The following NRXN3 variants were observed in gnomAD, a reference collection of about 807,000 sequenced individuals.
NRXN3 encodes the protein neurexin 3.
A neutral mutation model predicts 137.6 loss-of-function variants in NRXN3; 32 were observed. That is an observed-to-expected ratio of 0.23 (90% CI 0.18 to 0.31). The LOEUF (loss-of-function observed/expected upper bound fraction) is 0.31. Ranked by LOEUF, NRXN3 falls within the 10% of genes least tolerant of loss-of-function variation. The pLI is 1.00. For synonymous variants in NRXN3, 798 were observed against 784.5 expected (o/e 1.02, Z -0.29); for missense variants, 1,574 against 2,062.5 (o/e 0.76, Z 4.59).
At chr14:78,625,780 T>C (rs2097452105) in intron 4 of NRXN3, among the ~76,000 whole-genome samples, 1 of 152,182 alleles carries the variant, frequency 6.6e-6, no homozygotes, top group South Asian at 2.1e-4. Context: ...AAGGCATCAA[T>C]TGATGGATCT....
chr14:78,384,445 T>A (rs1372947317), intron 4 of NRXN3, among the ~76,000 whole-genome samples: 1 of 152,162 alleles, frequency 6.6e-6, no homozygotes, highest in Non-Finnish European at 1.5e-5. Flanking sequence ...CATGGATAAA[T>A]CATTTCATAT....
rs1208127376 is a variant in NRXN3 at position 78,267,838 on chromosome 14, C to G, written c.710-10807C>G. Among the ~76,000 whole-genome samples the G allele has an allele frequency of 5.3e-5, 8 of 152,266 alleles. No individual in the cohort carries two copies. In the South Asian group the frequency reaches 1.2e-3, roughly 24 times the overall value. On this transcript the variant is annotated intron_variant, in intron 2 of 20. Transcript: ENST00000335750. The stretch of plus-strand genomic sequence containing the variant: ...GACCACACTATCATGTTTACATCGT[C>G]TCTTGGTTCATAAGATTGGTGACTA...
chr14:79,094,973 A>AGTGT (rs1442448952), intron 15 of NRXN3, among the ~76,000 whole-genome samples: 210 of 94,752 alleles, frequency 2.2e-3, no homozygotes, highest in South Asian at 4.2e-3. Flanking sequence ...AGAGAGAGAG[A>AGTGT]GAGAGAGTGT....
chr14:79,483,609 C>T (rs910487886), intron 16 of NRXN3, among the ~76,000 whole-genome samples: 1 of 152,142 alleles, frequency 6.6e-6, no homozygotes, highest in Non-Finnish European at 1.5e-5. Context: ...AAGAGAAAAG[C>T]TGATATTGTC....
intron 4 of NRXN3, among the ~76,000 whole-genome samples, chr14:78,471,214 A>C (rs1194644942): frequency 6.6e-6 from 1 of 151,876 alleles, no homozygotes; most frequent in African/African-American, 2.4e-5. Context: ...ACATCTTATA[A>C]ACAAAATAAA....
intron 15 of NRXN3, among the ~76,000 whole-genome samples, chr14:79,200,828 ATTTTTTTTTTTTTT>A (rs56194422): frequency 1.2e-4 from 7 of 59,082 alleles, no homozygotes; most frequent in African/African-American, 1.2e-4. Flanking sequence ...TGTGAGCTGT[ATTTTTTTTTTTTTT>A]TTTTTTTTTT....
At chr14:79,526,029 A>C (rs896518702) in intron 16 of NRXN3, among the ~76,000 whole-genome samples, 3 of 152,096 alleles carry the variant, frequency 2.0e-5, no homozygotes, top group Non-Finnish European at 4.4e-5. Flanking sequence ...CCACAGGCAC[A>C]TGCCACCATA....
rs147273638 is a variant in NRXN3 at position 79,817,621 on chromosome 14, A to G, written c.4093+12431A>G. 9.3e-4 allele frequency among the ~76,000 whole-genome samples: 141 copies of G among 152,348 alleles called. 2 individuals carry two copies. The East Asian group carries it at 0.023, about 24-fold the overall frequency. ...GAGGCACAGAGGAGCTAAGCAAATT[A>G]TCAAGGTCACACAGCAAGGAAGTAG... On this transcript the variant is annotated intron_variant, in intron 20 of 20. Coordinates refer to ENST00000335750, the MANE Select transcript of NRXN3 (RefSeq NM_001330195.2).
intron 4 of NRXN3, among the ~76,000 whole-genome samples, chr14:78,463,951 G>A (rs1028406630): frequency 1.3e-5 from 2 of 151,680 alleles, no homozygotes; most frequent in African/African-American, 4.8e-5. Context: ...CTTTATCTAA[G>A]GGAATTAACT....
At chr14:78,876,145 T>C (rs912075172) in intron 10 of NRXN3, among the ~76,000 whole-genome samples, 10 of 152,240 alleles carry the variant, frequency 6.6e-5, no homozygotes, top group African/African-American at 2.4e-4. Flanking sequence ...AAGCCTGGTT[T>C]TCTTACACTT....
chr14:78,634,216 A>G (rs2152544134), intron 4 of NRXN3, among the ~76,000 whole-genome samples: 1 of 152,274 alleles, frequency 6.6e-6, no homozygotes, highest in South Asian at 2.1e-4. Context: ...TGTTGCCCTT[A>G]GGAAGGTAGG....
intron 20 of NRXN3, among the ~76,000 whole-genome samples, chr14:79,823,605 C>T (rs1014053540): frequency 2.0e-5 from 3 of 151,830 alleles, no homozygotes; most frequent in African/African-American, 4.8e-5. Flanking sequence ...CAACAAAAAT[C>T]GATGCAGAGC....
intron 19 of NRXN3, among the ~76,000 whole-genome samples, chr14:79,753,247 G>A (rs534413840): frequency 1.3e-5 from 2 of 151,938 alleles, no homozygotes; most frequent in South Asian, 4.2e-4. Context: ...TATAAATCAT[G>A]CTGCTATAAA....
intron 6 of NRXN3, among the ~76,000 whole-genome samples, chr14:78,699,750 T>A (rs781605774): frequency 6.6e-6 from 1 of 152,218 alleles, no homozygotes; most frequent in Non-Finnish European, 1.5e-5. Context: ...TTTACTCTAC[T>A]GGAGTTGGTG....
intron 4 of NRXN3, among the ~76,000 whole-genome samples, chr14:78,406,452 A>G (rs1379861554): frequency 6.6e-6 from 1 of 152,170 alleles, no homozygotes; most frequent in African/African-American, 2.4e-5. Context: ...TAGACAGGAG[A>G]CAGTTTATTC....
At chr14:78,171,845 T>C (rs1318972210) in intron 1 of NRXN3, among the ~76,000 whole-genome samples, 1 of 152,210 alleles carries the variant, frequency 6.6e-6, no homozygotes, top group African/African-American at 2.4e-5. Flanking sequence ...CTAACCATTA[T>C]TGGGGTTTAG....
chr14:79,191,333 T>G (rs2064277626), intron 15 of NRXN3, among the ~76,000 whole-genome samples: 1 of 152,166 alleles, frequency 6.6e-6, no homozygotes. Flanking sequence ...CAGAAATTGA[T>G]GATAGATGAA....
At position 78,943,620 on chromosome 14, in the gene NRXN3, AAATAT is replaced by A. The variant is rs1294128591; in HGVS notation, c.2276-13620_2276-13616del. Among the ~76,000 whole-genome samples, 74 of 32,094 alleles carry A rather than the reference AAATAT, an allele frequency of 2.3e-3. 7 individuals carry two copies. Among genetic ancestry groups the A allele is most frequent in the Non-Finnish European group, 3.0e-3 (59 of 19,732 alleles). The allele number at this position is 32,094 out of a possible 152,430, so 21.1% of individuals were successfully genotyped here. On this transcript the variant is annotated intron_variant, in intron 10 of 20. Coordinates refer to ENST00000335750, the MANE Select transcript of NRXN3 (RefSeq NM_001330195.2). The stretch of plus-strand genomic sequence containing the variant: ...AAGCAAGATCACTGTTAAAAAAAAA[AAATAT>A]ATATATATATATATATATATATATA...
At chr14:79,687,783 C>G (rs999403013) in intron 17 of NRXN3, among the ~76,000 whole-genome samples, 35 of 152,290 alleles carry the variant, frequency 2.3e-4, no homozygotes, top group African/African-American at 6.7e-4. Context: ...CACTCTTTCT[C>G]AGCTTAGCAG....
Sources: allele counts gnomAD v4.1 joint callset (sites outside exome capture counted in the v4.1 genomes callset), GRCh38; gene constraint gnomAD v4.1.1; transcripts MANE v1.5; gene names NCBI Gene and HGNC (gene_info 2026-07-23, HGNC 2026-07-21).